ROBO2: variants seen among roughly 807,000 people sequenced by gnomAD.
ROBO2 encodes the protein roundabout guidance receptor 2, also known as roundabout homolog 2.
A neutral mutation model predicts 160.8 loss-of-function variants in ROBO2; 53 were observed. The ratio of observed to expected loss-of-function variants is 0.33; its 90% CI spans 0.26 to 0.41. The LOEUF is 0.41. Ranked by LOEUF, ROBO2 falls within the 10% of genes least tolerant of loss-of-function variation. ROBO2 has a pLI of 1.00. For missense variants in ROBO2, 1,577 were observed against 1,722.4 expected, an observed-to-expected ratio of 0.92 and a Z score of 1.49; for synonymous variants, 664 against 611.7, an observed-to-expected ratio of 1.09 and a Z score of -1.26.
intron 2 of ROBO2, among the ~76,000 whole-genome samples, chr3:76,796,024 T>C (rs911827482): frequency 2.6e-5 from 4 of 152,158 alleles, no homozygotes; most frequent in Admixed American, 1.3e-4. Context: ...AACAAAGTTT[T>C]GAAAGGAATC....
At chr3:76,225,596 T>C (rs1417213443) in intron 2 of ROBO2, among the ~76,000 whole-genome samples, 1 of 152,076 alleles carries the variant, frequency 6.6e-6, no homozygotes, top group Admixed American at 6.6e-5. Context: ...GTGCCTGTAA[T>C]CCCAGCTACT....
At chr3:76,500,205 A>G (rs2080384992) in intron 2 of ROBO2, among the ~76,000 whole-genome samples, 1 of 152,006 alleles carries the variant, frequency 6.6e-6, no homozygotes, top group South Asian at 2.1e-4. Flanking sequence ...TGCGTCCTTG[A>G]CTTCCTGGGA....
chr3:77,391,866 A>G (rs913659590), intron 2 of ROBO2, among the ~76,000 whole-genome samples: 1 of 152,050 alleles, frequency 6.6e-6, no homozygotes, highest in Non-Finnish European at 1.5e-5. Context: ...GGCCGAAAGC[A>G]TTCTTTTTTT....
At chr3:76,714,159 A>G (rs2093344019) in intron 2 of ROBO2, among the ~76,000 whole-genome samples, 1 of 152,074 alleles carries the variant, frequency 6.6e-6, no homozygotes, top group Non-Finnish European at 1.5e-5. Flanking sequence ...ATACACTCCA[A>G]AATTAGGAGG....
intron 2 of ROBO2, among the ~76,000 whole-genome samples, chr3:76,532,998 T>C (rs2082309020): frequency 6.6e-6 from 1 of 152,240 alleles, no homozygotes; most frequent in Non-Finnish European, 1.5e-5. Context: ...CTGGATGATA[T>C]CCAGTTACTT....
chr3:77,522,976 G>T, intron 6 of ROBO2, 74 bp downstream of exon 6: 2 of 1,542,234 alleles, frequency 1.3e-6, no homozygotes, highest in Non-Finnish European at 1.8e-6. Context: ...GTGAACTTAC[G>T]ATCAAAATAA....
intron 2 of ROBO2, among the ~76,000 whole-genome samples, chr3:77,388,721 A>C (rs1185088711): frequency 3.3e-5 from 5 of 152,186 alleles, no homozygotes; most frequent in Admixed American, 1.3e-4. Flanking sequence ...CAAGTATTTT[A>C]TCATGGATCT....
chr3:76,439,668 G>A lies in ROBO2; in HGVS notation c.109+502066G>A, dbSNP rs188005868. 7.9e-4 allele frequency among the ~76,000 whole-genome samples: 121 copies of A among 152,244 alleles called. 1 individual carries two copies. Among genetic ancestry groups the A allele is most frequent in the Non-Finnish European group, 2.8e-4 (19 of 67,998 alleles). Reference sequence around the variant, plus strand: ...CAAGTGCCTAGTATGATGCAGATGTGAGATATTCTACAATTTCTTGTAAAG... The same window carrying A: ...CAAGTGCCTAGTATGATGCAGATGTAAGATATTCTACAATTTCTTGTAAAG... On this transcript the variant is annotated intron_variant, in intron 2 of 26. Coordinates refer to the ROBO2 transcript ENST00000487694.
intron 2 of ROBO2, among the ~76,000 whole-genome samples, chr3:76,371,036 G>A (rs1011814124): frequency 2.6e-5 from 4 of 151,808 alleles, no homozygotes; most frequent in Non-Finnish European, 4.4e-5. Flanking sequence ...TACATAATTA[G>A]ACTCATAGTC....
intron 2 of ROBO2, among the ~76,000 whole-genome samples, chr3:76,192,455 T>C (rs776373069): frequency 1.3e-5 from 2 of 151,946 alleles, no homozygotes; most frequent in Non-Finnish European, 2.9e-5. Context: ...CTTACTATTA[T>C]TTTAATTTCT....
chr3:76,921,203 T>C (rs1213990829), intron 2 of ROBO2, among the ~76,000 whole-genome samples: 1 of 152,198 alleles, frequency 6.6e-6, no homozygotes, highest in Non-Finnish European at 1.5e-5. Flanking sequence ...GTGAAGTGAT[T>C]TAGGATGTAT....
intron 1 of ROBO2, among the ~76,000 whole-genome samples, chr3:77,081,743 T>C (rs1462766018): frequency 2.6e-5 from 4 of 152,220 alleles, no homozygotes; most frequent in Admixed American, 6.5e-5. Context: ...GCAATGTGCT[T>C]AATGTAGAAG....
chr3:76,528,112 A>G (rs1254626217), intron 2 of ROBO2, among the ~76,000 whole-genome samples: 1 of 152,136 alleles, frequency 6.6e-6, no homozygotes, highest in Non-Finnish European at 1.5e-5. Context: ...CTCATACAAC[A>G]AATATTTAGT....
At chr3:77,024,392 A>G (rs1243413345) in intron 2 of ROBO2, among the ~76,000 whole-genome samples, 1 of 152,208 alleles carries the variant, frequency 6.6e-6, no homozygotes, top group Non-Finnish European at 1.5e-5. Context: ...CTGTGTCAGA[A>G]ATGAAGCAGT....
In ROBO2 at chr3:76,346,810, T is replaced by TC. The variant is rs1431339297; in HGVS notation, c.109+409208_109+409209insC. Among the ~76,000 whole-genome samples, 3 of 152,206 alleles carry TC rather than the reference T, an allele frequency of 2.0e-5. No homozygotes were observed. In the East Asian group the frequency reaches 5.8e-4, roughly 29 times the overall value. On this transcript the variant is annotated intron_variant, in intron 2 of 26. Transcript: ENST00000487694. The stretch of plus-strand genomic sequence containing the variant: ...CTCTTCAGCAAAACTTTGCCTGATA[T>TC]ACTCACTGAGTGACAACATGAAAGC...
At chr3:76,606,232 A>C (rs990325427) in intron 2 of ROBO2, among the ~76,000 whole-genome samples, 3 of 152,174 alleles carry the variant, frequency 2.0e-5, no homozygotes, top group Non-Finnish European at 4.4e-5. Context: ...AATCTATGGA[A>C]CTACCAATCC....
chr3:77,411,720 A>G (rs372248658), intron 2 of ROBO2, among the ~76,000 whole-genome samples: 14 of 152,240 alleles, frequency 9.2e-5, no homozygotes, highest in East Asian at 5.8e-4. Context: ...ATATGTGTGT[A>G]AACTCTATCT....
At chr3:76,026,648 C>T (rs1175311546) in intron 2 of ROBO2, among the ~76,000 whole-genome samples, 1 of 151,924 alleles carries the variant, frequency 6.6e-6, no homozygotes, top group African/African-American at 2.4e-5. Flanking sequence ...AACAAAAGTA[C>T]ATGTTCTTAC....
chr3:76,436,226 G>A (rs770822562), intron 2 of ROBO2, among the ~76,000 whole-genome samples: 1 of 134,366 alleles, frequency 7.4e-6, no homozygotes, highest in South Asian at 2.4e-4. Flanking sequence ...TATACTTTAA[G>A]TTTTAGGGTA....
Sources: allele counts gnomAD v4.1 joint callset (sites outside exome capture counted in the v4.1 genomes callset), GRCh38; gene constraint gnomAD v4.1.1; transcripts MANE v1.5; gene names NCBI Gene and HGNC (gene_info 2026-07-23, HGNC 2026-07-21).